The following BMPR1A variants were observed in gnomAD, a reference collection of about 807,000 sequenced individuals.
The protein encoded by BMPR1A is bone morphogenetic protein receptor type-1A.
In BMPR1A, 7 loss-of-function variants were observed where a neutral mutation model predicts 66.0. The ratio of observed to expected loss-of-function variants is 0.11; its 90% CI spans 0.06 to 0.20. BMPR1A has a LOEUF of 0.20. BMPR1A is among the 10% of genes least tolerant of loss of function. BMPR1A has a pLI of 1.00. For synonymous variants in BMPR1A, 200 were observed against 229.7 expected, an observed-to-expected ratio of 0.87 and a Z score of 1.17; for missense variants, 408 against 669.1, an observed-to-expected ratio of 0.61 and a Z score of 4.31.
chr10:86,861,675 AACATTTTAG>A (rs1195340640), intron 2 of BMPR1A, among the ~76,000 whole-genome samples: 3 of 152,234 alleles, frequency 2.0e-5, no homozygotes, highest in Admixed American at 6.5e-5. Flanking sequence ...TGCCTTAAGC[AACATTTTAG>A]ACATTTTAGA....
At chr10:86,895,808 G>A (rs939504189) in intron 5 of BMPR1A, among the ~76,000 whole-genome samples, 1 of 151,990 alleles carries the variant, frequency 6.6e-6, no homozygotes, top group African/African-American at 2.4e-5. Flanking sequence ...CGGGCAGATC[G>A]CTTGAGCTCA....
rs1742125863 is a variant in BMPR1A, at chr10:86,855,987, T to C, written c.-153+17008T>C. The C allele has an allele frequency of 9.6e-6, 6 of 627,340 alleles. No individual in the cohort carries two copies. In the Admixed American group the frequency reaches 1.1e-4, roughly 12 times the overall value. The allele number at this position is 627,340 out of a possible 1,614,324, so 38.9% of individuals were successfully genotyped here. A position where few individuals can be genotyped will look rare whatever the true frequency, so the allele number is the denominator to read the frequency against. On this transcript the variant is annotated intron_variant, in intron 2 of 12. Transcript: ENST00000372037. ...TCCAGAATGGCCACTTTGCCCTTCC[T>C]TTAGCAGTTGAAAATCTGGATGCCT...
At chr10:86,844,208 T>G (rs1842456651) in intron 2 of BMPR1A, among the ~76,000 whole-genome samples, 1 of 152,168 alleles carries the variant, frequency 6.6e-6, no homozygotes, top group African/African-American at 2.4e-5. Context: ...CAAAGGGAGA[T>G]TTTATGAAAA....
intron 1 of BMPR1A, among the ~76,000 whole-genome samples, chr10:86,758,593 C>T (rs975857336): frequency 6.6e-6 from 1 of 152,170 alleles, no homozygotes; most frequent in Non-Finnish European, 1.5e-5. Context: ...ATCTTATTAA[C>T]ATTTTAAAAA....
intron 2 of BMPR1A, among the ~76,000 whole-genome samples, chr10:86,866,411 T>TC (rs1842787959): frequency 4.1e-5 from 2 of 49,032 alleles, no homozygotes; most frequent in African/African-American, 3.7e-4. Flanking sequence ...TTTTTTTTTT[T>TC]TTTTTTTTTT....
intron 2 of BMPR1A, among the ~76,000 whole-genome samples, chr10:86,870,791 T>A (rs923653809): frequency 1.3e-5 from 2 of 152,060 alleles, no homozygotes; most frequent in African/African-American, 2.4e-5. Context: ...TTTTTTTTTT[T>A]AATTCATCCA....
At chr10:86,828,317 A>G (rs193112947) in intron 1 of BMPR1A, among the ~76,000 whole-genome samples, 1 of 152,228 alleles carries the variant, frequency 6.6e-6, no homozygotes. Flanking sequence ...TTTTCCAGGG[A>G]TGACATAAAG....
chr10:86,903,675 G>A (rs954075192), intron 7 of BMPR1A, among the ~76,000 whole-genome samples: 6 of 144,046 alleles, frequency 4.2e-5, no homozygotes, highest in African/African-American at 7.8e-5. Context: ...GCAGTGGCAC[G>A]ATCTCCGCTC....
chr10:86,773,920 G>A (rs1454672140), intron 1 of BMPR1A, among the ~76,000 whole-genome samples: 4 of 149,146 alleles, frequency 2.7e-5, no homozygotes, highest in East Asian at 2.0e-4. Context: ...GTGCGATCTC[G>A]GCTCACTGCA....
intron 1 of BMPR1A, among the ~76,000 whole-genome samples, chr10:86,829,355 C>T (rs1213549985): frequency 6.6e-6 from 1 of 152,042 alleles, no homozygotes; most frequent in Non-Finnish European, 1.5e-5. Flanking sequence ...TTTGAAATAA[C>T]TAGGTTTACA....
At chr10:86,782,145 G>A (rs1841447209) in intron 1 of BMPR1A, among the ~76,000 whole-genome samples, 1 of 152,078 alleles carries the variant, frequency 6.6e-6, no homozygotes, top group South Asian at 2.1e-4. Flanking sequence ...TTACAGGTGT[G>A]AGCCATCATG....
At chr10:86,844,732 TTTTG>T (rs1842463058) in intron 2 of BMPR1A, among the ~76,000 whole-genome samples, 2 of 152,224 alleles carry the variant, frequency 1.3e-5, no homozygotes, top group South Asian at 4.2e-4. Flanking sequence ...GGCATTTGTG[TTTTG>T]TTTGTTTTTT....
chr10:86,910,916 C>T lies in BMPR1A; in HGVS notation c.531-1324C>T, dbSNP rs188402846. Reference sequence around the variant, plus strand: ...GAACCCAGGCTGGTCTCATCTCGAACTCCTGTGGTCAAATCAACTTCCTAT... The same window carrying T: ...GAACCCAGGCTGGTCTCATCTCGAATTCCTGTGGTCAAATCAACTTCCTAT... On this transcript the variant is annotated intron_variant, in intron 7 of 12. Transcript: ENST00000372037. 3.9e-5 allele frequency among the ~76,000 whole-genome samples: 6 copies of T among 152,126 alleles called. No individual in the cohort carries two copies. In the East Asian group the frequency reaches 1.2e-3, roughly 29 times the overall value.
intron 1 of BMPR1A, among the ~76,000 whole-genome samples, chr10:86,782,202 A>G (rs1381314755): frequency 1.3e-5 from 2 of 152,138 alleles, no homozygotes; most frequent in East Asian, 3.9e-4. Flanking sequence ...AGTTGTGTAT[A>G]TGTACCACAT....
intron 1 of BMPR1A, among the ~76,000 whole-genome samples, chr10:86,797,532 A>G (rs1419436135): frequency 6.6e-6 from 1 of 151,682 alleles, no homozygotes; most frequent in African/African-American, 2.4e-5. Flanking sequence ...CGCCCAGCCA[A>G]TTTTTGTATT....
At chr10:86,755,911 C>G (rs1179599148), upstream of BMPR1A, 1 of 152,196 alleles carries the variant, frequency 6.6e-6, no homozygotes, top group Non-Finnish European at 1.5e-5. Flanking sequence ...CTCCATCACC[C>G]TGCCTGCGCC....
intron 3 of BMPR1A, among the ~76,000 whole-genome samples, chr10:86,887,219 T>C (rs939126339): frequency 7.2e-5 from 11 of 152,184 alleles, no homozygotes; most frequent in African/African-American, 2.7e-4. Flanking sequence ...CAAGGCCACA[T>C]ATGTGGTTTT....
chr10:86,832,271 G>A lies in BMPR1A; in HGVS notation c.-267-6594G>A, dbSNP rs932228240. ...TCACGAGGTCAGGAATTCGAGATGAGCCTGGCCAAGATGGTGAAACCCTGT... is the reference window on the plus strand; with the variant it reads ...TCACGAGGTCAGGAATTCGAGATGAACCTGGCCAAGATGGTGAAACCCTGT... On this transcript the variant is annotated intron_variant, in intron 1 of 12. Transcript: ENST00000372037. 9.2e-5 allele frequency among the ~76,000 whole-genome samples: 14 copies of A among 152,232 alleles called. No individual in the cohort carries two copies. The East Asian group carries it at 2.5e-3, about 27-fold the overall frequency.
chr10:86,929,084 TCCCCTATTG>T (rs1843784577), downstream of BMPR1A: 1 of 152,072 alleles, frequency 6.6e-6, no homozygotes, highest in Non-Finnish European at 1.5e-5. Flanking sequence ...CTGTGCTCAA[TCCCCTATTG>T]AATATTTGGA....
Sources: allele counts gnomAD v4.1 joint callset (sites outside exome capture counted in the v4.1 genomes callset), GRCh38; gene constraint gnomAD v4.1.1; transcripts MANE v1.5; gene names NCBI Gene and HGNC (gene_info 2026-07-23, HGNC 2026-07-21).